ARHGAP15: variants seen among roughly 807,000 people sequenced by gnomAD.
ARHGAP15 encodes the protein Rho GTPase activating protein 15.
In ARHGAP15, 51 loss-of-function variants were observed where a neutral mutation model predicts 63.7. The ratio of observed to expected loss-of-function variants is 0.80; its 90% CI spans 0.64 to 1.01. The LOEUF is 1.01. ARHGAP15 is among the 50% of genes least tolerant of loss of function. The pLI is 0.00. For synonymous variants in ARHGAP15, 191 were observed against 193.8 expected (o/e 0.99, Z 0.12); for missense variants, 560 against 564.6 (o/e 0.99, Z 0.08).
At chr2:143,194,366 G>A (rs1477450076) in intron 2 of ARHGAP15, among the ~76,000 whole-genome samples, 1 of 152,020 alleles carries the variant, frequency 6.6e-6, no homozygotes, top group Non-Finnish European at 1.5e-5. Flanking sequence ...TATATTATTG[G>A]GAGTGAAAGA....
chr2:143,193,809 G>C (rs73962371), intron 2 of ARHGAP15, among the ~76,000 whole-genome samples: 3,156 of 152,244 alleles, frequency 0.021, 128 homozygotes, highest in African/African-American at 0.072. Context: ...ACTGTGGGTA[G>C]ATATCTTTGT....
At chr2:143,598,799 C>T (rs915172213) in intron 11 of ARHGAP15, among the ~76,000 whole-genome samples, 7 of 152,044 alleles carry the variant, frequency 4.6e-5, no homozygotes, top group African/African-American at 1.7e-4. Context: ...CGCCTTCAGT[C>T]CCAGCTACTC....
chr2:143,279,647 T>C (rs1393809623), intron 6 of ARHGAP15, among the ~76,000 whole-genome samples: 1 of 152,192 alleles, frequency 6.6e-6, no homozygotes, highest in Non-Finnish European at 1.5e-5. Flanking sequence ...TCAAGAATTC[T>C]CAGTTTTGGT....
chr2:143,268,856 G>T (rs901796349), intron 6 of ARHGAP15, among the ~76,000 whole-genome samples: 1 of 151,026 alleles, frequency 6.6e-6, no homozygotes, highest in African/African-American at 2.4e-5. Flanking sequence ...ATTCAATTAG[G>T]ATAAACTCTT....
chr2:143,617,907 G>A (rs16822796), intron 11 of ARHGAP15, among the ~76,000 whole-genome samples: 2,588 of 152,276 alleles, frequency 0.017, 82 homozygotes, highest in African/African-American at 0.06. Flanking sequence ...ACAAGGCCCA[G>A]TATGTAGTCT....
chr2:143,719,803 C>T (rs1025718838), intron 13 of ARHGAP15, among the ~76,000 whole-genome samples: 23 of 152,194 alleles, frequency 1.5e-4, no homozygotes, highest in African/African-American at 5.1e-4. Flanking sequence ...TTTCATATCA[C>T]ATTTAAAATA....
At chr2:143,268,973 C>T (rs1182149664) in intron 6 of ARHGAP15, among the ~76,000 whole-genome samples, 1 of 152,082 alleles carries the variant, frequency 6.6e-6, no homozygotes, top group Non-Finnish European at 1.5e-5. Flanking sequence ...AAAATTTAGA[C>T]ATCTTAGATT....
At chr2:143,600,218 AC>A (rs1268874899) in intron 11 of ARHGAP15, among the ~76,000 whole-genome samples, 1 of 152,162 alleles carries the variant, frequency 6.6e-6, no homozygotes, top group Non-Finnish European at 1.5e-5. Context: ...ATGATTACAG[AC>A]TTTTGCATGT....
chr2:143,330,114 AAAAAAAAAAAAAAAAAAC>A (rs1395432543), intron 6 of ARHGAP15, among the ~76,000 whole-genome samples: 1,485 of 88,834 alleles, frequency 0.017, 145 homozygotes, highest in Non-Finnish European at 0.024. Flanking sequence ...AAAAAAAAAA[AAAAAAAAAAAAAAAAAAC>A]CAAAAACAAA....
At chr2:143,304,034 A>T (rs1162075547) in intron 6 of ARHGAP15, among the ~76,000 whole-genome samples, 1 of 152,192 alleles carries the variant, frequency 6.6e-6, no homozygotes, top group Non-Finnish European at 1.5e-5. Flanking sequence ...ACCATTGTGC[A>T]AGACAGTGTG....
intron 1 of ARHGAP15, among the ~76,000 whole-genome samples, chr2:143,141,014 C>T (rs1054896020): frequency 2.0e-5 from 3 of 152,078 alleles, no homozygotes; most frequent in Non-Finnish European, 4.4e-5. Flanking sequence ...ACCTGGAGAC[C>T]AGTCAGCATG....
intron 1 of ARHGAP15, among the ~76,000 whole-genome samples, chr2:143,143,946 G>A (rs1483368002): frequency 2.6e-5 from 4 of 151,834 alleles, no homozygotes; most frequent in Non-Finnish European, 4.4e-5. Flanking sequence ...GCCCCAATAT[G>A]TATTGTTCTC....
At chr2:143,720,846 G>A (rs951285347) in intron 13 of ARHGAP15, among the ~76,000 whole-genome samples, 23 of 152,040 alleles carry the variant, frequency 1.5e-4, no homozygotes, top group Non-Finnish European at 3.2e-4. Flanking sequence ...GAGGCGGGCG[G>A]ATCACAAGGT....
At chr2:143,625,643 G>T (rs1257312477) in intron 12 of ARHGAP15, among the ~76,000 whole-genome samples, 1 of 152,112 alleles carries the variant, frequency 6.6e-6, no homozygotes, top group Non-Finnish European at 1.5e-5. Context: ...CATTTGAAAA[G>T]AAGAAATAAA....
intron 6 of ARHGAP15, among the ~76,000 whole-genome samples, chr2:143,375,396 A>T (rs904952474): frequency 1.3e-5 from 2 of 152,308 alleles, no homozygotes. Context: ...GCCTGAAAGT[A>T]AGTAATCTGA....
intron 8 of ARHGAP15, among the ~76,000 whole-genome samples, chr2:143,456,513 T>G (rs1337018350): frequency 6.6e-6 from 1 of 152,024 alleles, no homozygotes; most frequent in Non-Finnish European, 1.5e-5. Flanking sequence ...AGAAAAAAAT[T>G]GTAATCAATC....
At chr2:143,741,479 A>G (rs1172951280) in intron 13 of ARHGAP15, among the ~76,000 whole-genome samples, 1 of 152,216 alleles carries the variant, frequency 6.6e-6, no homozygotes, top group East Asian at 1.9e-4. Context: ...TTCTGAGTGA[A>G]GAAGGAAGCA....
intron 11 of ARHGAP15, among the ~76,000 whole-genome samples, chr2:143,569,131 G>A (rs1696352248): frequency 6.6e-6 from 1 of 151,986 alleles, no homozygotes. Flanking sequence ...CCTGCACGTT[G>A]TGCACATGTA....
At chr2:143,211,201 G>T (rs2105133098) in intron 3 of ARHGAP15, among the ~76,000 whole-genome samples, 1 of 151,886 alleles carries the variant, frequency 6.6e-6, no homozygotes, top group East Asian at 1.9e-4. Context: ...TGAATATTGA[G>T]AAGAAAATGT....
Sources: allele counts gnomAD v4.1 joint callset (sites outside exome capture counted in the v4.1 genomes callset), GRCh38; gene constraint gnomAD v4.1.1; transcripts MANE v1.5; gene names NCBI Gene and HGNC (gene_info 2026-07-23, HGNC 2026-07-21).